Variants in KCNT2 observed in about 807,000 individuals in gnomAD.
KCNT2 encodes the protein potassium sodium-activated channel subfamily T member 2.
KCNT2 carries 67 observed loss-of-function variants against 153.8 expected under a neutral mutation model. The observed-to-expected ratio is 0.44, with a 90% CI of 0.36 to 0.53. KCNT2 has a LOEUF of 0.53. KCNT2 is among the 20% of genes least tolerant of loss of function. KCNT2 has a pLI of 0.00. For missense variants in KCNT2, 975 were observed against 1,354.8 expected (o/e 0.72, Z 4.40); for synonymous variants, 500 against 458.8 (o/e 1.09, Z -1.15).
rs1283320803 is a variant in KCNT2, at chr1:196,227,081, A to T, written c.*1143T>A. On this transcript the variant is annotated 3_prime_UTR_variant, in exon 28 of 28. Transcript: ENST00000294725. ...CTCAAATTCTGCATGATTTGCATTA[A>T]TGTTAAAAGCCAAGAACTACCTATT... 1 of 152,018 alleles carries T rather than the reference A, an allele frequency of 6.6e-6. No homozygotes were observed. The highest frequency in any genetic ancestry group is 2.4e-5 in the African/African-American group (1 of 41,454). The allele number at this position is 152,018 out of a possible 1,614,324, so 9.4% of individuals were successfully genotyped here.
chr1:196,267,328 T>G (rs1657642557), intron 25 of KCNT2, among the ~76,000 whole-genome samples: 2 of 152,200 alleles, frequency 1.3e-5, no homozygotes, highest in African/African-American at 2.4e-5. Context: ...GAGCATTATT[T>G]GATCAAAGGC....
chr1:196,303,784 A>G (rs1209530231), intron 22 of KCNT2, among the ~76,000 whole-genome samples: 1 of 152,244 alleles, frequency 6.6e-6, no homozygotes, highest in South Asian at 2.1e-4. Flanking sequence ...AATTGGACCA[A>G]TCTGACTACA....
intron 1 of KCNT2, among the ~76,000 whole-genome samples, chr1:196,525,833 G>A (rs1654112019): frequency 6.6e-6 from 1 of 151,866 alleles, no homozygotes; most frequent in Non-Finnish European, 1.5e-5. Flanking sequence ...ATTTAATTAT[G>A]TAATATAAAT....
intron 23 of KCNT2, among the ~76,000 whole-genome samples, chr1:196,284,248 A>AAAAAAAAATATATATATATAT: frequency 6.0e-4 from 6 of 10,048 alleles, no homozygotes; most frequent in African/African-American, 8.2e-4. Context: ...AAAAAAAAAA[A>AAAAAAAAATATATATATATAT]ATATATATAT....
chr1:196,457,655 A>G (rs1676794688), intron 8 of KCNT2, among the ~76,000 whole-genome samples: 2 of 152,012 alleles, frequency 1.3e-5, no homozygotes, highest in African/African-American at 4.8e-5. Flanking sequence ...GATAGCACGC[A>G]CTTGGTAAAT....
chr1:196,252,508 C>G (rs888174373), intron 26 of KCNT2, among the ~76,000 whole-genome samples: 43 of 151,706 alleles, frequency 2.8e-4, no homozygotes, highest in African/African-American at 1.0e-3. Context: ...GTAGAACAAC[C>G]TTACTACATT....
intron 23 of KCNT2, among the ~76,000 whole-genome samples, chr1:196,284,044 A>G (rs1217112226): frequency 6.6e-6 from 1 of 150,454 alleles, no homozygotes; most frequent in African/African-American, 2.4e-5. Context: ...CAGCCTGACC[A>G]ACATGGTGAA....
intron 1 of KCNT2, among the ~76,000 whole-genome samples, chr1:196,522,669 C>T (rs920066243): frequency 6.6e-6 from 1 of 152,152 alleles, no homozygotes; most frequent in Non-Finnish European, 1.5e-5. Flanking sequence ...CCAATCAGTG[C>T]TCTGTGTCTA....
At chr1:196,476,877 T>C (rs1678579305) in intron 5 of KCNT2, among the ~76,000 whole-genome samples, 1 of 152,146 alleles carries the variant, frequency 6.6e-6, no homozygotes, top group Non-Finnish European at 1.5e-5. Context: ...CATTTAACAA[T>C]TTTGACACTC....
chr1:196,479,366 T>C (rs1678808819), intron 4 of KCNT2, 128 bp from the exon 5 acceptor site: 3 of 586,260 alleles, frequency 5.1e-6, no homozygotes, highest in Middle Eastern at 4.6e-4. Flanking sequence ...ATAGGACTTA[T>C]TAGGCGGTAC....
At chr1:196,484,371 T>C (rs1401694118) in intron 3 of KCNT2, among the ~76,000 whole-genome samples, 1 of 152,020 alleles carries the variant, frequency 6.6e-6, no homozygotes, top group East Asian at 1.9e-4. Flanking sequence ...TTTGATGGGG[T>C]TGTTTTTTTC....
intron 1 of KCNT2, among the ~76,000 whole-genome samples, chr1:196,572,540 C>A (rs947808212): frequency 2.6e-5 from 4 of 152,026 alleles, no homozygotes; most frequent in African/African-American, 9.7e-5. Flanking sequence ...GAACTGCATA[C>A]GTTTTGCCAT....
intron 1 of KCNT2, among the ~76,000 whole-genome samples, chr1:196,585,379 G>A (rs1022040553): frequency 1.3e-5 from 2 of 152,108 alleles, no homozygotes; most frequent in African/African-American, 4.8e-5. Flanking sequence ...AAACTGTGAA[G>A]AGAGGAAAAG....
intron 8 of KCNT2, among the ~76,000 whole-genome samples, chr1:196,449,507 T>TA (rs1675969453): frequency 6.6e-6 from 1 of 151,724 alleles, no homozygotes; most frequent in Non-Finnish European, 1.5e-5. Flanking sequence ...GTAACCCTGG[T>TA]ATATTAACCT....
At chr1:196,278,350 G>T (rs1054370744) in intron 25 of KCNT2, among the ~76,000 whole-genome samples, 1 of 151,990 alleles carries the variant, frequency 6.6e-6, no homozygotes, top group East Asian at 1.9e-4. Context: ...TTCTACAATA[G>T]GCAGAATTTA....
At chr1:196,232,923 C>A (rs956742015) in intron 27 of KCNT2, among the ~76,000 whole-genome samples, 1 of 150,588 alleles carries the variant, frequency 6.6e-6, no homozygotes, top group East Asian at 1.9e-4. Context: ...TTTTTAAATT[C>A]TATATAATTA....
intron 14 of KCNT2, among the ~76,000 whole-genome samples, chr1:196,346,412 T>A (rs1666148124): frequency 6.6e-6 from 1 of 152,194 alleles, no homozygotes; most frequent in Admixed American, 6.6e-5. Context: ...TTTTACTCAC[T>A]AATTTAAAAT....
intron 1 of KCNT2, among the ~76,000 whole-genome samples, chr1:196,582,064 A>G (rs1176430149): frequency 6.6e-6 from 1 of 152,044 alleles, no homozygotes; most frequent in Non-Finnish European, 1.5e-5. Context: ...TTACTTATCA[A>G]CTTCTCTCCA....
chr1:196,567,137 A>G (rs1354025958), intron 1 of KCNT2, among the ~76,000 whole-genome samples: 1 of 152,096 alleles, frequency 6.6e-6, no homozygotes, highest in East Asian at 1.9e-4. Flanking sequence ...TTCCTTAATT[A>G]CCATGGTCCA....
Sources: allele counts gnomAD v4.1 joint callset (sites outside exome capture counted in the v4.1 genomes callset), GRCh38; gene constraint gnomAD v4.1.1; transcripts MANE v1.5; gene names NCBI Gene and HGNC (gene_info 2026-07-23, HGNC 2026-07-21).